TOGARAM2: variants seen among roughly 807,000 people sequenced by gnomAD.
The protein encoded by TOGARAM2 is TOG array regulator of axonemal microtubules 2.
TOGARAM2 carries 85 observed loss-of-function variants against 93.3 expected under a neutral mutation model. The observed-to-expected ratio is 0.91, with a 90% CI of 0.76 to 1.09. TOGARAM2 has a LOEUF of 1.09. Among genes scored for constraint, TOGARAM2 ranks in the 50% least tolerant of loss-of-function variants. TOGARAM2 has a pLI of 0.00. For synonymous variants in TOGARAM2, 593 were observed against 552.8 expected (o/e 1.07, Z -1.02); for missense variants, 1,277 against 1,334.5 (o/e 0.96, Z 0.67).
chr2:28,991,843 T>C lies in TOGARAM2; in HGVS notation c.-110-2882T>C, dbSNP rs545630793. ...ATGGCCCCGGTCACTATGGAACCTC[T>C]GTAGCCATAGCATTAATGGGAGGAG... On this transcript the variant is annotated intron_variant, in intron 1 of 19. Coordinates refer to ENST00000379558, the MANE Select transcript of TOGARAM2 (RefSeq NM_199280.4). Among the ~76,000 whole-genome samples the C allele has an allele frequency of 3.3e-5, 5 of 152,340 alleles. No homozygotes were observed. In the East Asian group the frequency reaches 9.6e-4, roughly 29 times the overall value.
At chr2:29,043,987 G>T (rs1026757484) in intron 18 of TOGARAM2, among the ~76,000 whole-genome samples, 1 of 152,202 alleles carries the variant, frequency 6.6e-6, no homozygotes, top group Non-Finnish European at 1.5e-5. Context: ...AATTTATTCC[G>T]GAAATGTCCC....
chr2:28,993,059 CAA>C (rs59495138), intron 1 of TOGARAM2, among the ~76,000 whole-genome samples: 45,813 of 133,544 alleles, frequency 0.34, 7,760 homozygotes, highest in East Asian at 0.71. Flanking sequence ...GATTCTGTCT[CAA>C]AAAAAAAAAA....
intron 2 of TOGARAM2, 143 bp from the exon 3 acceptor site, chr2:28,998,000 T>C: frequency 1.9e-6 from 1 of 534,054 alleles, no homozygotes; most frequent in South Asian, 2.7e-5. Flanking sequence ...GTGTTGGGGG[T>C]GGGGCCACCA....
At chr2:29,034,329 C>T (rs951413996) in intron 16 of TOGARAM2, among the ~76,000 whole-genome samples, 6 of 152,238 alleles carry the variant, frequency 3.9e-5, no homozygotes, top group African/African-American at 1.4e-4. Context: ...ATTCAGCTCA[C>T]CTGTCACTTT....
chr2:28,991,104 C>T (rs566329939), intron 1 of TOGARAM2, among the ~76,000 whole-genome samples: 35 of 151,114 alleles, frequency 2.3e-4, no homozygotes, highest in African/African-American at 8.3e-4. Context: ...TACTATATGC[C>T]GGCAATAGGA....
In TOGARAM2 at chr2:28,992,058, C is replaced by T. The variant is rs146214216; in HGVS notation, c.-110-2667C>T. ...TGGCTGTTCTAACAGGGGAGAGTAG[C>T]GCCTTAGTGTCCAGAGCAGTGCTGG... On this transcript the variant is annotated intron_variant, in intron 1 of 19. Transcript: ENST00000379558. 4.6e-3 allele frequency among the ~76,000 whole-genome samples: 695 copies of T among 152,244 alleles called. 3 individuals carry two copies. The highest frequency in any genetic ancestry group is 0.011 in the African/African-American group (455 of 41,548).
intron 1 of TOGARAM2, among the ~76,000 whole-genome samples, chr2:28,984,308 G>A (rs150226960): frequency 6.6e-6 from 1 of 152,212 alleles, no homozygotes; most frequent in Non-Finnish European, 1.5e-5. Context: ...GTATGTCCTG[G>A]AGAGGCACAC....
intron 1 of TOGARAM2, among the ~76,000 whole-genome samples, chr2:28,982,203 G>T (rs912835547): frequency 6.6e-6 from 1 of 152,214 alleles, no homozygotes; most frequent in Non-Finnish European, 1.5e-5. Flanking sequence ...ACTGTTTGTT[G>T]TTGATGCTGT....
chr2:29,022,212 AGGAGAT>A lies in TOGARAM2; in HGVS notation c.1419_1424del (p.Glu473_Met474del). On this transcript the variant is annotated inframe_deletion, in exon 11 of 20. Coordinates refer to ENST00000379558, the MANE Select transcript of TOGARAM2 (RefSeq NM_199280.4). ...GGGTCTCCTGAATGGGAAGAAGAGG[AGGAGAT>A]GGATCTTAGAGCCTGTAAGGAGTTG... The A allele has an allele frequency of 3.1e-6, 5 of 1,613,982 alleles. No homozygotes were observed. Among genetic ancestry groups the A allele is most frequent in the Non-Finnish European group, 4.2e-6 (5 of 1,179,876 alleles).
intron 6 of TOGARAM2, among the ~76,000 whole-genome samples, chr2:29,009,083 T>A (rs1486043743): frequency 1.3e-5 from 2 of 152,296 alleles, no homozygotes; most frequent in East Asian, 3.9e-4. Context: ...AGCCAGGAAG[T>A]CATCAAGGTG....
Position 29,022,276 on chromosome 2 carries a change from GGAT to G in TOGARAM2, c.1481_1483del (p.Asp494del), listed in dbSNP as rs781732162. On this transcript the variant is annotated inframe_deletion, in exon 11 of 20. Coordinates refer to ENST00000379558, the MANE Select transcript of TOGARAM2 (RefSeq NM_199280.4). ...TCTCGAACCCGGAGCTGGGGCTGAG[GGAT>G]GCACTCCAGTGCCTCAACAGCAGTG... 1 of 1,614,006 alleles carries G rather than the reference GGAT, an allele frequency of 6.2e-7. No homozygotes were observed. The highest frequency in any genetic ancestry group is 1.1e-5 in the South Asian group (1 of 91,080).
intron 2 of TOGARAM2, among the ~76,000 whole-genome samples, chr2:28,996,204 G>A (rs1672981102): frequency 6.6e-6 from 1 of 152,128 alleles, no homozygotes; most frequent in African/African-American, 2.4e-5. Context: ...TCAAATTAGG[G>A]TAATTGGGAT....
intron 1 of TOGARAM2, among the ~76,000 whole-genome samples, chr2:28,994,159 G>A (rs1166659271): frequency 6.6e-6 from 1 of 152,206 alleles, no homozygotes; most frequent in Non-Finnish European, 1.5e-5. Context: ...AGGGCTGGAG[G>A]GATCAAGGTG....
Position 28,965,254 on chromosome 2 carries a change from T to C in TOGARAM2, c.-147+8557T>C, listed in dbSNP as rs78884053. ...AATTGGAATGTTTAGAGTATTTTCA[T>C]GTAGTTTAGTTACCAGTTTGATTGG... On this transcript the variant is annotated intron_variant, in intron 1 of 6. Transcript: ENST00000401723. Among the ~76,000 whole-genome samples the C allele has an allele frequency of 5.8e-3, 887 of 152,366 alleles. 6 individuals carry two copies. Among genetic ancestry groups the C allele is most frequent in the African/African-American group, 0.02 (849 of 41,588 alleles).
intron 7 of TOGARAM2, 146 bp downstream of exon 7, chr2:29,011,647 G>A (rs1664254026): frequency 4.8e-6 from 4 of 829,542 alleles, no homozygotes; most frequent in East Asian, 3.2e-5. Context: ...TGAAGTCACC[G>A]GAGGTCTAAC....
intron 2 of TOGARAM2, among the ~76,000 whole-genome samples, chr2:28,997,583 G>T (rs893933894): frequency 6.6e-6 from 1 of 152,206 alleles, no homozygotes; most frequent in Non-Finnish European, 1.5e-5. Flanking sequence ...TTGCTGAGCC[G>T]AGGGACGTTA....
rs1281126310 is a variant in TOGARAM2 at position 29,036,609 on chromosome 2, C to T, written c.2487C>T (p.Ser829=). The T allele has an allele frequency of 6.2e-7, 1 of 1,613,930 alleles. No homozygotes were observed. The highest frequency in any genetic ancestry group is 1.1e-5 in the South Asian group (1 of 91,072). ...NKKVNQWALE[S]FAKMIPLLRE... is the part of the protein sequence containing the mutation. Reference sequence around the variant, plus strand: ...AAGTGAACCAGTGGGCGCTGGAGTCCTTCGCCAAGATGATCCCCCTCCTCA... The same window carrying T: ...AAGTGAACCAGTGGGCGCTGGAGTCTTTCGCCAAGATGATCCCCCTCCTCA... The change falls in exon 18 of 20, where the codon TCC becomes TCT. Residue 829 remains serine (S), a synonymous_variant. Coordinates refer to ENST00000379558, the MANE Select transcript of TOGARAM2 (RefSeq NM_199280.4).
Position 29,022,318 on chromosome 2 carries a change from T to A in TOGARAM2, c.1511+10T>A. Reference sequence around the variant, plus strand: ...TCAACAGCAGTGACTGGTGAGGAGATGCTTCCACCACGTGCTGTGTTCTGG... The same window carrying A: ...TCAACAGCAGTGACTGGTGAGGAGAAGCTTCCACCACGTGCTGTGTTCTGG... On this transcript the variant is annotated intron_variant, in intron 11 of 19. Coordinates refer to ENST00000379558, the MANE Select transcript of TOGARAM2 (RefSeq NM_199280.4). 1 of 1,613,750 alleles carries A rather than the reference T, an allele frequency of 6.2e-7. No homozygotes were observed. The highest frequency in any genetic ancestry group is 8.5e-7 in the Non-Finnish European group (1 of 1,179,782).
chr2:29,003,397 G>C (rs2148290701), intron 5 of TOGARAM2, 95 bp from the exon 6 acceptor site: 2 of 1,076,764 alleles, frequency 1.9e-6, no homozygotes, highest in Non-Finnish European at 2.5e-6. Flanking sequence ...GCTGAAAAGA[G>C]ACAGCAGGTC....
Sources: gnomAD v4.1 joint callset for allele counts (sites outside exome capture counted in the v4.1 genomes callset) on GRCh38, gnomAD v4.1.1 for gene constraint, MANE v1.5 for transcripts, NCBI Gene and HGNC (gene_info 2026-07-23, HGNC 2026-07-21) for gene names.